The following CDK2AP2 variants were observed in gnomAD, a reference collection of about 807,000 sequenced individuals.
CDK2AP2 encodes cyclin-dependent kinase 2-associated protein 2.
In CDK2AP2, 1 loss-of-function variant was observed where a neutral mutation model predicts 13.0. That is an observed-to-expected ratio of 0.08 (90% CI 0.03 to 0.37). The LOEUF is 0.37. Among genes scored for constraint, CDK2AP2 ranks in the 10% least tolerant of loss-of-function variants. CDK2AP2 has a pLI of 0.99. For synonymous variants in CDK2AP2, 76 were observed against 73.0 expected, an observed-to-expected ratio of 1.04 and a Z score of -0.21; for missense variants, 129 against 175.8, an observed-to-expected ratio of 0.73 and a Z score of 1.50.
chr11:67,507,653 G>A lies in CDK2AP2; in HGVS notation c.119C>T (p.Ala40Val), dbSNP rs1276300816. ...VPSPSGSVPGAGAPFRPLFND... is the reference protein window; with the variant it reads ...VPSPSGSVPGVGAPFRPLFND... ...AAACAGCGGTCTGAAAGGAGCGCCG[G>A]CTCCTGGCACTGAGCCCGACGGCGA... Residue 40 changes from alanine to valine, a missense_variant, in exon 2 of 4, where the codon GCC becomes GTC. Transcript: ENST00000301488. The A allele has an allele frequency of 1.2e-6, 2 of 1,613,300 alleles. No homozygotes were observed. Among genetic ancestry groups the A allele is most frequent in the Non-Finnish European group, 8.5e-7 (1 of 1,180,028 alleles).
In CDK2AP2 at chr11:67,508,022, G is replaced by T; in HGVS notation, c.61C>A (p.Pro21Thr). 3 of 1,537,996 alleles carry T rather than the reference G, an allele frequency of 2.0e-6. No homozygotes were observed. The South Asian group carries it at 3.6e-5, about 19-fold the overall frequency. ...TCACCTGTAGGGACCGGGGTGCCCG[G>T]CCCAGGGGTGCTGGAGCCAGGGGTG... ...SSTPGSSTPG[P>T]GTPVPTGSVP... The change falls in exon 1 of 4, where the codon CCG (proline) becomes ACG (threonine). Residue 21 changes from proline (P) to threonine (T), a missense_variant. By Grantham distance (38) the Pro-to-Thr change is conservative. Coordinates refer to ENST00000301488, the MANE Select transcript of CDK2AP2 (RefSeq NM_005851.5).
At chr11:67,507,771 G>C in intron 1 of CDK2AP2, 82 bp from the exon 2 acceptor site, 1 of 1,566,568 alleles carries the variant, frequency 6.4e-7, no homozygotes, top group East Asian at 2.4e-5. Flanking sequence ...GACCGGGTTC[G>C]CCCGATTCCC....
At chr11:67,507,775 G>C in intron 1 of CDK2AP2, 86 bp from the exon 2 acceptor site, 1 of 1,562,088 alleles carries the variant, frequency 6.4e-7, no homozygotes, top group Non-Finnish European at 8.6e-7. Flanking sequence ...GGGTTCGCCC[G>C]ATTCCCTCCA....
Position 67,508,150 on chromosome 11 carries a change from C to T in CDK2AP2, c.-68G>A, listed in dbSNP as rs1866579343. 8 of 1,424,270 alleles carry T rather than the reference C, an allele frequency of 5.6e-6. No individual in the cohort carries two copies. In the South Asian group the frequency reaches 1.3e-4, roughly 22 times the overall value. The allele number at this position is 1,424,270 out of a possible 1,614,324, so 88.2% of individuals were successfully genotyped here. A position where few individuals can be genotyped will look rare whatever the true frequency, so the allele number is the denominator to read the frequency against. ...GGGGGTTGGCTGCGGGGCCGCTCAG[C>T]CGCGCTCTGATTGGCAAGCGGGCTG... is the stretch of plus-strand genomic sequence containing the variant. On this transcript the variant is annotated 5_prime_UTR_variant, in exon 1 of 4. Transcript: ENST00000301488.
chr11:67,508,161 T>C lies in CDK2AP2; in HGVS notation c.-79A>G, dbSNP rs147979185. The C allele has an allele frequency of 2.6e-4, 371 of 1,414,350 alleles. No homozygotes were observed. The African/African-American group carries it at 5.0e-3, about 19-fold the overall frequency. The allele number at this position is 1,414,350 out of a possible 1,614,324, so 87.6% of individuals were successfully genotyped here. ...GCGGGGCCGCTCAGCCGCGCTCTGA[T>C]TGGCAAGCGGGCTGCACGCCCCTGG... On this transcript the variant is annotated 5_prime_UTR_variant, in exon 1 of 4. Coordinates refer to ENST00000301488, the MANE Select transcript of CDK2AP2 (RefSeq NM_005851.5).
intron 3 of CDK2AP2, 64 bp from the exon 4 acceptor site, chr11:67,507,076 C>T (rs1299048024): frequency 5.2e-6 from 6 of 1,154,534 alleles, no homozygotes; most frequent in African/African-American, 3.1e-5. Context: ...CAGAGGAGGA[C>T]CCCTGCCTCC....
intron 1 of CDK2AP2, 142 bp from the exon 2 acceptor site, chr11:67,507,831 C>A: frequency 6.5e-7 from 1 of 1,536,944 alleles, no homozygotes; most frequent in South Asian, 1.2e-5. Flanking sequence ...ACAAATCCCT[C>A]CCACTGCGCT....
chr11:67,507,101 C>CT, intron 3 of CDK2AP2, 89 bp from the exon 4 acceptor site: 2 of 1,011,408 alleles, frequency 2.0e-6, no homozygotes, highest in Non-Finnish European at 2.9e-6. Context: ...TCCCTTTCCA[C>CT]TTTCGGCAAA....
chr11:67,507,349 G>A lies in CDK2AP2; in HGVS notation c.313+16C>T. 1.9e-6 allele frequency: 3 copies of A among 1,611,934 alleles called. No individual in the cohort carries two copies. The highest frequency in any genetic ancestry group is 2.5e-6 in the Non-Finnish European group (3 of 1,179,964). On this transcript the variant is annotated intron_variant, in intron 3 of 3. Transcript: ENST00000301488. ...CAGTGTCGGTTTCCTGAGCAGGGCG[G>A]CCTGGCCTCACTTACCTCTCTTCAG...
Position 67,507,349 on chromosome 11 carries a change from G to T in CDK2AP2, c.313+16C>A. 1 of 1,611,934 alleles carries T rather than the reference G, an allele frequency of 6.2e-7. No homozygotes were observed. The highest frequency in any genetic ancestry group is 8.5e-7 in the Non-Finnish European group (1 of 1,179,964). On this transcript the variant is annotated intron_variant, in intron 3 of 3. Transcript: ENST00000301488. ...CAGTGTCGGTTTCCTGAGCAGGGCG[G>T]CCTGGCCTCACTTACCTCTCTTCAG...
chr11:67,507,226 T>A, intron 3 of CDK2AP2, 139 bp downstream of exon 3: 1 of 1,052,264 alleles, frequency 9.5e-7, no homozygotes, highest in Non-Finnish European at 1.4e-6. Flanking sequence ...TCAATTTCAA[T>A]TCGATTCAAA....
intron 1 of CDK2AP2, 94 bp downstream of exon 1, chr11:67,507,907 T>A: frequency 1.9e-6 from 3 of 1,546,072 alleles, no homozygotes; most frequent in Non-Finnish European, 1.7e-6. Context: ...TCAGCGAGGG[T>A]AGGCGGCAGG....
chr11:67,507,933 C>T (rs957803544), intron 1 of CDK2AP2, 68 bp downstream of exon 1: 14 of 1,548,918 alleles, frequency 9.0e-6, no homozygotes, highest in Non-Finnish European at 1.1e-5. Context: ...TATTGCAGAA[C>T]TCAGGCCGTC....
At chr11:67,507,126 A>T in intron 3 of CDK2AP2, 114 bp from the exon 4 acceptor site, 1 of 874,764 alleles carries the variant, frequency 1.1e-6, no homozygotes, top group Non-Finnish European at 1.7e-6. Context: ...ATTCAAATCT[A>T]ATGACGGCTA....
rs1866534925 is a variant in CDK2AP2, at chr11:67,506,770, GT to G, written c.*174del. ...CGCTGCTAACTCTTGTTGTGGGGGG[GT>G]GTCCTTAGTGCTGCCACCTGGAGGG... On this transcript the variant is annotated 3_prime_UTR_variant, in exon 4 of 4. Transcript: ENST00000301488. 1 of 597,516 alleles carries G rather than the reference GT, an allele frequency of 1.7e-6. No homozygotes were observed. The highest frequency in any genetic ancestry group is 3.0e-6 in the Non-Finnish European group (1 of 336,524). 37.0% of individuals were successfully genotyped at this position (597,516 alleles called of 1,614,324 possible). A position where few individuals can be genotyped will look rare whatever the true frequency, so the allele number is the denominator to read the frequency against.
chr11:67,507,058 C>G (rs748185453), intron 3 of CDK2AP2, 46 bp from the exon 4 acceptor site: 14 of 1,405,302 alleles, frequency 1.0e-5, no homozygotes, highest in Non-Finnish European at 1.3e-5. Flanking sequence ...GCCCCACCCA[C>G]TGCCCTCCAG....
chr11:67,508,114 G>T lies in CDK2AP2; in HGVS notation c.-32C>A. ...CTCCTGGGCGCGGCGGACGCCAGCCGGCCGCTCCTCGGGGGTTGGCTGCGG... is the reference window on the plus strand; with the variant it reads ...CTCCTGGGCGCGGCGGACGCCAGCCTGCCGCTCCTCGGGGGTTGGCTGCGG... On this transcript the variant is annotated 5_prime_UTR_variant, in exon 1 of 4. Transcript: ENST00000301488. 6.9e-7 allele frequency: 1 copy of T among 1,449,548 alleles called. No homozygotes were observed. The highest frequency in any genetic ancestry group is 9.1e-7 in the Non-Finnish European group (1 of 1,102,966). 89.8% of individuals were successfully genotyped at this position (1,449,548 alleles called of 1,614,324 possible).
In CDK2AP2 at chr11:67,507,673, C is replaced by A. The variant is rs573668340; in HGVS notation, c.99G>T (p.Pro33=). 6.2e-7 allele frequency: 1 copy of A among 1,613,090 alleles called. No homozygotes were observed. Among genetic ancestry groups the A allele is most frequent in the South Asian group, 1.1e-5 (1 of 91,086 alleles). The change falls in exon 2 of 4, where the codon CCG becomes CCT. Residue 33 remains proline (P), a synonymous_variant. Coordinates refer to ENST00000301488, the MANE Select transcript of CDK2AP2 (RefSeq NM_005851.5). ...CGCCGGCTCCTGGCACTGAGCCCGA[C>A]GGCGACGGGACGCTTCCTGCAGCAA... is the stretch of plus-strand genomic sequence containing the variant. ...TPVPTGSVPS[P]SGSVPGAGAP...
rs566031302 is a variant in CDK2AP2, at chr11:67,508,125, G to A, written c.-43C>T. 5.5e-6 allele frequency: 8 copies of A among 1,442,638 alleles called. No homozygotes were observed. In the South Asian group the frequency reaches 6.0e-5, roughly 11 times the overall value. The allele number at this position is 1,442,638 out of a possible 1,614,324, so 89.4% of individuals were successfully genotyped here. A position where few individuals can be genotyped will look rare whatever the true frequency, so the allele number is the denominator to read the frequency against. ...GGCGGACGCCAGCCGGCCGCTCCTC[G>A]GGGGTTGGCTGCGGGGCCGCTCAGC... On this transcript the variant is annotated 5_prime_UTR_variant, in exon 1 of 4. Coordinates refer to ENST00000301488, the MANE Select transcript of CDK2AP2 (RefSeq NM_005851.5).
Sources: gnomAD v4.1 joint callset for allele counts on GRCh38, gnomAD v4.1.1 for gene constraint, MANE v1.5 for transcripts, NCBI Gene and HGNC (gene_info 2026-07-23, HGNC 2026-07-21) for gene names.